KCNMA1: variants seen among roughly 807,000 people sequenced by gnomAD.
The protein encoded by KCNMA1 is Calcium-activated potassium channel subunit alpha-1.
Under a neutral mutation model 140.0 loss-of-function variants are expected in KCNMA1, and 29 were observed. The ratio of observed to expected loss-of-function variants is 0.21; its 90% CI spans 0.15 to 0.28. KCNMA1 has a LOEUF of 0.28. KCNMA1 is among the 10% of genes least tolerant of loss of function. KCNMA1 has a pLI of 1.00. For missense variants in KCNMA1, 880 were observed against 1,602.2 expected (o/e 0.55, Z 7.70); for synonymous variants, 612 against 611.9 (o/e 1.00, Z 0.00).
chr10:77,383,472 C>G (rs1196883546), intron 2 of KCNMA1, among the ~76,000 whole-genome samples: 6 of 150,968 alleles, frequency 4.0e-5, no homozygotes, highest in Admixed American at 4.0e-4. Context: ...TAAAATTTAC[C>G]ATTTAAGTAA....
intron 19 of KCNMA1, among the ~76,000 whole-genome samples, chr10:76,971,832 GA>G (rs572367667): frequency 6.6e-6 from 1 of 152,158 alleles, no homozygotes; most frequent in African/African-American, 2.4e-5. Context: ...AAATGGTATT[GA>G]AAAAATCACT....
chr10:76,929,091 C>CAAAT (rs1002234154), intron 23 of KCNMA1, among the ~76,000 whole-genome samples: 18 of 151,864 alleles, frequency 1.2e-4, no homozygotes, highest in South Asian at 6.2e-4. Context: ...ATCTTAAATG[C>CAAAT]AAATAAATAA....
At chr10:77,309,447 G>A (rs747782131) in intron 2 of KCNMA1, 11 of 152,234 alleles carry the variant, frequency 7.2e-5, no homozygotes, top group African/African-American at 7.2e-5. Flanking sequence ...AAACCGCCAC[G>A]TTGTGACACA....
At chr10:77,385,468 T>C (rs533246388) in intron 2 of KCNMA1, among the ~76,000 whole-genome samples, 10 of 152,372 alleles carry the variant, frequency 6.6e-5, no homozygotes, top group African/African-American at 2.4e-4. Flanking sequence ...AGGTAAGTAC[T>C]ACGATTGTCT....
At position 76,929,813 on chromosome 10, in the gene KCNMA1, G is replaced by A. The variant is rs530631061; in HGVS notation, c.2903-14764C>T. On this transcript the variant is annotated intron_variant, in intron 23 of 27. Transcript: ENST00000286628. The stretch of plus-strand genomic sequence containing the variant: ...GCTAAGGTTGAAAAACAGTGGGCTA[G>A]TTCAGAATTAAATCCACCCATTTAA... Among the ~76,000 whole-genome samples the A allele has an allele frequency of 1.1e-4, 16 of 152,310 alleles. No individual in the cohort carries two copies. In the South Asian group the frequency reaches 3.1e-3, roughly 30 times the overall value.
At chr10:76,904,608 T>C (rs2047024531) in intron 25 of KCNMA1, 1 of 152,120 alleles carries the variant, frequency 6.6e-6, no homozygotes, top group South Asian at 2.1e-4. Context: ...CACTCCCAAC[T>C]TGTGTGCATT....
At chr10:77,574,098 A>G (rs1322439005) in intron 1 of KCNMA1, among the ~76,000 whole-genome samples, 1 of 152,142 alleles carries the variant, frequency 6.6e-6, no homozygotes, top group African/African-American at 2.4e-5. Flanking sequence ...GGCCTCCAAA[A>G]GTGCTGGGAT....
At chr10:77,065,299 G>A (rs1373846651) in intron 14 of KCNMA1, among the ~76,000 whole-genome samples, 1 of 152,194 alleles carries the variant, frequency 6.6e-6, no homozygotes, top group African/African-American at 2.4e-5. Flanking sequence ...TGGATGTATG[G>A]TGTGTGGAGG....
At chr10:77,181,437 C>A (rs2098801824) in intron 5 of KCNMA1, among the ~76,000 whole-genome samples, 1 of 152,168 alleles carries the variant, frequency 6.6e-6, no homozygotes, top group South Asian at 2.1e-4. Context: ...TGATAGAATT[C>A]TACTAGCTTC....
At chr10:77,047,892 A>G (rs559463130) in intron 14 of KCNMA1, among the ~76,000 whole-genome samples, 1 of 152,264 alleles carries the variant, frequency 6.6e-6, no homozygotes, top group African/African-American at 2.4e-5. Flanking sequence ...TCAGCTTCGT[A>G]TGCAGGGTTT....
At chr10:77,506,447 G>C (rs906531381) in intron 1 of KCNMA1, among the ~76,000 whole-genome samples, 2 of 152,116 alleles carry the variant, frequency 1.3e-5, no homozygotes, top group African/African-American at 4.8e-5. Context: ...AACACAGTCA[G>C]AGTTGATGTT....
At chr10:77,224,844 C>A (rs1023770800) in intron 3 of KCNMA1, among the ~76,000 whole-genome samples, 14 of 152,290 alleles carry the variant, frequency 9.2e-5, no homozygotes, top group African/African-American at 3.4e-4. Flanking sequence ...GGGTAAGGCT[C>A]AGAAGAGCTA....
At chr10:77,053,171 C>T (rs963680524) in intron 14 of KCNMA1, among the ~76,000 whole-genome samples, 5 of 152,074 alleles carry the variant, frequency 3.3e-5, no homozygotes, top group African/African-American at 9.6e-5. Context: ...TCCCTGTCCC[C>T]ATGCTCACCT....
At chr10:77,587,959 A>G (rs2077761479) in intron 1 of KCNMA1, 2 of 663,190 alleles carry the variant, frequency 3.0e-6, no homozygotes, top group South Asian at 6.7e-5. Flanking sequence ...AAGAGAAATA[A>G]TACTGCAAAG....
At chr10:77,136,768 T>C (rs2098045429) in intron 5 of KCNMA1, among the ~76,000 whole-genome samples, 1 of 152,240 alleles carries the variant, frequency 6.6e-6, no homozygotes, top group East Asian at 1.9e-4. Context: ...TTTAATTTTT[T>C]TGTAATATTT....
intron 1 of KCNMA1, among the ~76,000 whole-genome samples, chr10:77,458,963 G>A (rs1259627426): frequency 6.6e-6 from 1 of 152,166 alleles, no homozygotes; most frequent in Non-Finnish European, 1.5e-5. Flanking sequence ...AAAATCATAG[G>A]GGTAGCACTG....
intron 20 of KCNMA1, among the ~76,000 whole-genome samples, chr10:76,960,622 T>TG (rs1387350248): frequency 5.4e-4 from 76 of 139,838 alleles, no homozygotes; most frequent in Middle Eastern, 3.8e-3. Flanking sequence ...GGTTTTGTTT[T>TG]TTTTTTTTTT....
At chr10:77,636,508 T>C (rs1204160299) in intron 1 of KCNMA1, 22 of 1,536,134 alleles carry the variant, frequency 1.4e-5, no homozygotes, top group Non-Finnish European at 1.9e-5. Flanking sequence ...GGACCCAAAG[T>C]GGGTGGCCTG....
At chr10:77,428,761 T>C (rs2097082746) in intron 1 of KCNMA1, among the ~76,000 whole-genome samples, 1 of 152,142 alleles carries the variant, frequency 6.6e-6, no homozygotes. Flanking sequence ...AAGGCTGGAA[T>C]ACCTTGAATA....
Sources: allele counts gnomAD v4.1 joint callset (sites outside exome capture counted in the v4.1 genomes callset), GRCh38; gene constraint gnomAD v4.1.1; transcripts MANE v1.5; gene names NCBI Gene and HGNC (gene_info 2026-07-23, HGNC 2026-07-21).